The following PPEF1 variants were observed in gnomAD, a reference collection of about 807,000 sequenced individuals.
The protein encoded by PPEF1 is serine/threonine-protein phosphatase with EF-hands 1.
Under a neutral mutation model 53.3 loss-of-function variants are expected in PPEF1, and 12 were observed. The observed-to-expected ratio is 0.23, with a 90% CI of 0.14 to 0.36. PPEF1 has a LOEUF of 0.36. Among genes scored for constraint, PPEF1 ranks in the 10% least tolerant of loss-of-function variants. PPEF1 has a pLI of 1.00. For missense variants in PPEF1, 334 were observed against 490.4 expected, an observed-to-expected ratio of 0.68 and a Z score of 3.01; for synonymous variants, 165 against 176.7, an observed-to-expected ratio of 0.93 and a Z score of 0.52.
At chrX:18,757,878 A>T in intron 5 of PPEF1, 137 bp downstream of exon 5, 1 of 395,341 alleles carries the variant, frequency 2.5e-6, no homozygotes, top group Non-Finnish European at 4.3e-6. Context: ...TCATGATAAT[A>T]CTGTTCCCCA....
At chrX:18,751,839 T>C (rs1016430409) in intron 4 of PPEF1, among the ~76,000 whole-genome samples, 4 of 112,610 alleles carry the variant, frequency 3.6e-5, no homozygotes, top group Non-Finnish European at 7.5e-5. Context: ...TATTGGACTC[T>C]CAGTTCTATT....
Position 18,730,274 on chromosome X carries a change from C to T in PPEF1, c.140C>T (p.Ser47Phe). Residue 47 changes from serine to phenylalanine, a missense_variant, in exon 2 of 16, where the codon TCC becomes TTC. Physicochemically the swap from Ser to Phe is radical, Grantham distance 155 (BLOSUM62 -2). Transcript: ENST00000470157. The stretch of plus-strand genomic sequence containing the variant: ...CACTATGCCCTCACCATCTTCCAGT[C>T]CATCGAATATGCTGATGAACAAGGC... Reference protein sequence around the residue: ...RQHYALTIFQSIEYADEQGQM... With the variant: ...RQHYALTIFQFIEYADEQGQM... 1 of 1,209,532 alleles carries T rather than the reference C, an allele frequency of 8.3e-7. No individual in the cohort carries two copies. Among genetic ancestry groups the T allele is most frequent in the Non-Finnish European group, 1.1e-6 (1 of 893,864 alleles).
At chrX:18,754,169 G>A (rs2045500333) in intron 4 of PPEF1, among the ~76,000 whole-genome samples, 2 of 111,347 alleles carry the variant, frequency 1.8e-5, no homozygotes, top group Admixed American at 9.5e-5. Flanking sequence ...TTTACTTCCC[G>A]CTTGTGCTGA....
chrX:18,713,612 T>C (rs1202268960), intron 1 of PPEF1, among the ~76,000 whole-genome samples: 1 of 110,916 alleles, frequency 9.0e-6, no homozygotes, highest in East Asian at 2.8e-4. Context: ...TGTTTACTTA[T>C]ATTTATTCAT....
At chrX:18,679,705 A>G (rs189843368), upstream of PPEF1, among the ~76,000 whole-genome samples, 116 of 111,324 alleles carry the variant, frequency 1.0e-3, no homozygotes, top group Middle Eastern at 9.2e-3. Flanking sequence ...AGCTCTCATC[A>G]TTCTGTGCAA....
At position 18,733,756 on chromosome X, in the gene PPEF1, C is replaced by G; in HGVS notation, c.183C>G (p.Thr61=). The G allele has an allele frequency of 8.4e-7, 1 of 1,189,969 alleles. No homozygotes were observed. The highest frequency in any genetic ancestry group is 1.9e-5 in the South Asian group (1 of 53,851). ...TTTTTTATTTTGTCCAGTTATCCAC[C>G]TTCTTTTCCTTCATGTTGGAAAACT... is the stretch of plus-strand genomic sequence containing the variant. ...ADEQGQMQLS[T]FFSFMLENYT... Residue 61 remains threonine (T), a synonymous_variant, in exon 3 of 16, where the codon ACC becomes ACG. Transcript: ENST00000470157.
intron 2 of PPEF1, among the ~76,000 whole-genome samples, chrX:18,732,066 C>T (rs751414684): frequency 5.4e-4 from 61 of 112,213 alleles, no homozygotes; most frequent in Non-Finnish European, 8.5e-4. Context: ...TTTGCATTTT[C>T]GGTCTCCCAG....
At chrX:18,794,019 C>T (rs775532759) in intron 10 of PPEF1, among the ~76,000 whole-genome samples, 1 of 112,205 alleles carries the variant, frequency 8.9e-6, no homozygotes, top group African/African-American at 3.2e-5. Flanking sequence ...ACCCATCTGC[C>T]TCTATTTGAA....
intron 8 of PPEF1, among the ~76,000 whole-genome samples, chrX:18,782,794 G>A (rs185056700): frequency 1.8e-5 from 2 of 110,900 alleles, no homozygotes; most frequent in East Asian, 2.8e-4. Flanking sequence ...GGGAGACCGC[G>A]TGGGGAAGCA....
At chrX:18,733,043 A>T (rs772815635) in intron 2 of PPEF1, among the ~76,000 whole-genome samples, 1 of 111,058 alleles carries the variant, frequency 9.0e-6, no homozygotes, top group Non-Finnish European at 1.9e-5. Context: ...GTCTCTACTA[A>T]AAATACAAAA....
chrX:18,789,421 A>T, intron 10 of PPEF1, 148 bp downstream of exon 10: 1 of 551,957 alleles, frequency 1.8e-6, no homozygotes. Flanking sequence ...TAACAGCTTT[A>T]TTGAGATATA....
At chrX:18,705,022 C>A (rs746485807), upstream of PPEF1, among the ~76,000 whole-genome samples, 3 of 111,532 alleles carry the variant, frequency 2.7e-5, no homozygotes, top group East Asian at 8.4e-4. Context: ...CACCTTTAAA[C>A]TTCTATGATT....
chrX:18,795,171 G>A (rs146936718), intron 10 of PPEF1, among the ~76,000 whole-genome samples: 2,922 of 110,996 alleles, frequency 0.026, 88 homozygotes, highest in African/African-American at 0.09. Flanking sequence ...TTAGCTGGGC[G>A]TGGTGGTGCA....
At chrX:18,709,660 G>A (rs1025421701) in intron 1 of PPEF1, among the ~76,000 whole-genome samples, 1 of 109,674 alleles carries the variant, frequency 9.1e-6, no homozygotes, top group Non-Finnish European at 1.9e-5. Flanking sequence ...ACCACACCTA[G>A]CTAATTTTTG....
intron 3 of PPEF1, among the ~76,000 whole-genome samples, chrX:18,742,440 T>C (rs2045198830): frequency 8.9e-6 from 1 of 112,182 alleles, no homozygotes; most frequent in African/African-American, 3.2e-5. Context: ...TGAACAGGGC[T>C]TGCTGGGAAC....
chrX:18,711,014 G>A lies in PPEF1; in HGVS notation c.46+3188G>A, dbSNP rs571818578. On this transcript the variant is annotated intron_variant, in intron 1 of 15. Transcript: ENST00000470157. ...TGTGTGTGTGTATATATGTGTGTGT[G>A]TGTATGTGTGTGTATATATACGTAT... Among the ~76,000 whole-genome samples, 29 of 108,046 alleles carry A rather than the reference G, an allele frequency of 2.7e-4. No homozygotes were observed. In the East Asian group the frequency reaches 7.6e-3, roughly 28 times the overall value. 93.8% of individuals were successfully genotyped at this position (108,046 alleles called of 115,157 possible).
chrX:18,688,532 GA>G (rs1378223211), intron 3 of PPEF1: 6 of 112,571 alleles, frequency 5.3e-5, no homozygotes, highest in Non-Finnish European at 1.1e-4. Context: ...CACTGAGTAA[GA>G]ATTGACAGCC....
chrX:18,706,728 A>G (rs1176972869), upstream of PPEF1, among the ~76,000 whole-genome samples: 3 of 109,834 alleles, frequency 2.7e-5, no homozygotes, highest in East Asian at 8.6e-4. Flanking sequence ...CCTGGGTAAT[A>G]GAGCGAGACT....
At chrX:18,783,438 C>T (rs1162477889) in intron 8 of PPEF1, among the ~76,000 whole-genome samples, 1 of 111,199 alleles carries the variant, frequency 9.0e-6, no homozygotes, top group African/African-American at 3.3e-5. Context: ...GAATAAAGGG[C>T]CAGGCATAGT....
Sources: allele counts gnomAD v4.1 joint callset (sites outside exome capture counted in the v4.1 genomes callset), GRCh38; gene constraint gnomAD v4.1.1; transcripts MANE v1.5; gene names NCBI Gene and HGNC (gene_info 2026-07-23, HGNC 2026-07-21).